HIRA: variants seen among roughly 807,000 people sequenced by gnomAD.
HIRA encodes the protein histone cell cycle regulator.
HIRA carries 13 observed loss-of-function variants against 126.6 expected under a neutral mutation model. The observed-to-expected ratio is 0.10, with a 90% CI of 0.07 to 0.16. The LOEUF (loss-of-function observed/expected upper bound fraction) is 0.16. HIRA is among the 10% of genes least tolerant of loss of function. The probability of loss-of-function intolerance (pLI) is 1.00; values close to 1 mark genes in which losing one functional copy is unlikely to be tolerated. For missense variants in HIRA, 834 were observed against 1,314.4 expected, an observed-to-expected ratio of 0.63 and a Z score of 5.65; for synonymous variants, 511 against 520.0, an observed-to-expected ratio of 0.98 and a Z score of 0.24.
Position 19,351,832 on chromosome 22 carries a change from C to G in HIRA, c.2849-386G>C, listed in dbSNP as rs542914524. Among the ~76,000 whole-genome samples the G allele has an allele frequency of 2.2e-4, 33 of 152,034 alleles. 1 individual carries two copies. The highest frequency in any genetic ancestry group is 7.7e-4 in the African/African-American group (32 of 41,454). ...CTGGCAGCTGGTGTTGAGGGGAGGT[C>G]AGGAGGGTGGGACGGCCAGCCCGCA... is the stretch of plus-strand genomic sequence containing the variant. On this transcript the variant is annotated intron_variant, in intron 23 of 24. Coordinates refer to ENST00000263208, the MANE Select transcript of HIRA (RefSeq NM_003325.4). This position sits in a 1 kb window ranked among gnomAD's most constrained non-coding sequence, Gnocchi z 4.8.
chr22:19,414,637 T>C (rs1486857559), intron 1 of HIRA, among the ~76,000 whole-genome samples: 1 of 152,232 alleles, frequency 6.6e-6, no homozygotes, highest in Non-Finnish European at 1.5e-5. Flanking sequence ...CCAATAGAAC[T>C]TGGTTTTAAC....
At chr22:19,400,038 T>C (rs936671560) in intron 5 of HIRA, among the ~76,000 whole-genome samples, 1 of 152,168 alleles carries the variant, frequency 6.6e-6, no homozygotes. Context: ...AATATGTGGT[T>C]AGGTGGGAGC....
At chr22:19,410,658 G>A in intron 2 of HIRA, 58 bp downstream of exon 2, 1 of 1,258,104 alleles carries the variant, frequency 7.9e-7, no homozygotes, top group Non-Finnish European at 1.2e-6. Context: ...TGGACAGCAG[G>A]AGAAGAGCAA....
At chr22:19,412,390 T>C (rs1160389114) in intron 1 of HIRA, among the ~76,000 whole-genome samples, 2 of 152,228 alleles carry the variant, frequency 1.3e-5, no homozygotes, top group Non-Finnish European at 2.9e-5. Flanking sequence ...GCTGCAGAAT[T>C]ATGAGCAAAT....
chr22:19,390,009 A>C (rs959597524), intron 9 of HIRA, among the ~76,000 whole-genome samples: 8 of 151,822 alleles, frequency 5.3e-5, no homozygotes, highest in African/African-American at 1.7e-4. Flanking sequence ...AAAAAAAAAA[A>C]TTAATGTGTG....
In HIRA at chr22:19,331,438, G is replaced by A; in HGVS notation, c.*2C>T. 6.2e-7 allele frequency: 1 copy of A among 1,614,012 alleles called. No homozygotes were observed. The highest frequency in any genetic ancestry group is 8.5e-7 in the Non-Finnish European group (1 of 1,180,006). Reference sequence around the variant, plus strand: ...GCTGCAGCCAGGGCAGGCTGGGGCAGGCTACTTGTCCCTCAGGATGTCGAG... The same window carrying A: ...GCTGCAGCCAGGGCAGGCTGGGGCAAGCTACTTGTCCCTCAGGATGTCGAG... On this transcript the variant is annotated 3_prime_UTR_variant, in exon 25 of 25. Coordinates refer to ENST00000263208, the MANE Select transcript of HIRA (RefSeq NM_003325.4).
At chr22:19,430,514 G>C (rs1186648420) in intron 1 of HIRA, among the ~76,000 whole-genome samples, 1 of 152,130 alleles carries the variant, frequency 6.6e-6, no homozygotes, top group Non-Finnish European at 1.5e-5. Flanking sequence ...GTAGAAATGA[G>C]GAACAAGACA....
intron 24 of HIRA, among the ~76,000 whole-genome samples, chr22:19,340,523 C>G (rs1362660197): frequency 6.6e-6 from 1 of 152,012 alleles, no homozygotes; most frequent in Non-Finnish European, 1.5e-5. Context: ...CCAGAGCAAA[C>G]AGACAAGAGA....
chr22:19,386,850 G>A (rs2089131812), intron 11 of HIRA, among the ~76,000 whole-genome samples: 1 of 152,228 alleles, frequency 6.6e-6, no homozygotes, highest in Admixed American at 6.5e-5. Context: ...ATGATGGGGT[G>A]GCAGGCCCCA....
chr22:19,409,480 C>T (rs541445724), intron 2 of HIRA, among the ~76,000 whole-genome samples: 4 of 152,054 alleles, frequency 2.6e-5, no homozygotes, highest in Non-Finnish European at 4.4e-5. Context: ...GACGGGGTTT[C>T]GCCATGTTGG....
At chr22:19,355,719 A>T in intron 21 of HIRA, 41 bp downstream of exon 21, 2 of 1,410,530 alleles carry the variant, frequency 1.4e-6, no homozygotes, top group Non-Finnish European at 2.0e-6. Flanking sequence ...GAGCAGACAG[A>T]CACTCTTCCA....
At chr22:19,405,665 T>G (rs894196880) in intron 5 of HIRA, 121 bp downstream of exon 5, 6 of 872,302 alleles carry the variant, frequency 6.9e-6, no homozygotes. Flanking sequence ...TGTGATGGGG[T>G]GGGACAGCCC....
rs78505318 is a variant in HIRA at position 19,347,696 on chromosome 22, C to T, written c.2937+3662G>A. On this transcript the variant is annotated intron_variant, in intron 24 of 24. Coordinates refer to ENST00000263208, the MANE Select transcript of HIRA (RefSeq NM_003325.4). Reference sequence around the variant, plus strand: ...GCTCATGTCTATAATCCCAGCACTTCGGGAGGCTGAGGTGGGTAGATCACC... The same window carrying T: ...GCTCATGTCTATAATCCCAGCACTTTGGGAGGCTGAGGTGGGTAGATCACC... Among the ~76,000 whole-genome samples the T allele has an allele frequency of 1.4e-4, 22 of 152,096 alleles. No homozygotes were observed. The East Asian group carries it at 3.3e-3, about 23-fold the overall frequency.
chr22:19,366,239 G>A (rs923367777), intron 15 of HIRA, among the ~76,000 whole-genome samples: 1 of 152,024 alleles, frequency 6.6e-6, no homozygotes, highest in Non-Finnish European at 1.5e-5. Flanking sequence ...GGGGGCGCCT[G>A]TAGTCCCAGC....
At chr22:19,376,266 T>C (rs775553661) in intron 14 of HIRA, among the ~76,000 whole-genome samples, 1 of 152,150 alleles carries the variant, frequency 6.6e-6, no homozygotes, top group African/African-American at 2.4e-5. Flanking sequence ...GCCCCTCCCA[T>C]ATCTCCCTGT....
intron 1 of HIRA, among the ~76,000 whole-genome samples, chr22:19,415,330 C>T (rs1264516529): frequency 6.6e-6 from 1 of 152,086 alleles, no homozygotes; most frequent in Non-Finnish European, 1.5e-5. Context: ...ATTCAATTTA[C>T]AACAGAATCA....
At chr22:19,359,938 G>A (rs1170580835) in intron 17 of HIRA, among the ~76,000 whole-genome samples, 1 of 152,188 alleles carries the variant, frequency 6.6e-6, no homozygotes, top group East Asian at 1.9e-4. Flanking sequence ...GTGCTTGGAG[G>A]GAATGTTTAG....
chr22:19,332,213 A>C (rs2088497558), intron 24 of HIRA, among the ~76,000 whole-genome samples: 1 of 152,242 alleles, frequency 6.6e-6, no homozygotes, highest in Non-Finnish European at 1.5e-5. Flanking sequence ...ACTACCAGCC[A>C]GACAACTTTA....
intron 5 of HIRA, among the ~76,000 whole-genome samples, chr22:19,404,324 G>A (rs757499636): frequency 6.6e-6 from 1 of 152,162 alleles, no homozygotes; most frequent in African/African-American, 2.4e-5. Context: ...GGGTAGGAAA[G>A]AGAATGCAAG....
Sources: allele counts gnomAD v4.1 joint callset (sites outside exome capture counted in the v4.1 genomes callset), GRCh38; gene constraint gnomAD v4.1.1; non-coding constraint Gnocchi (gnomAD v3.1); transcripts MANE v1.5; gene names NCBI Gene and HGNC (gene_info 2026-07-23, HGNC 2026-07-21).